SPOCK1: variants seen among roughly 807,000 people sequenced by gnomAD.
The protein encoded by SPOCK1 is SPARC (osteonectin), cwcv and kazal like domains proteoglycan 1, also known as testican-1.
Under a neutral mutation model 55.3 loss-of-function variants are expected in SPOCK1, and 23 were observed. That is an observed-to-expected ratio of 0.42 (90% CI 0.30 to 0.59). The LOEUF is 0.59. SPOCK1 is among the 20% of genes least tolerant of loss of function. The pLI is 0.22. For missense variants in SPOCK1, 499 were observed against 552.5 expected (o/e 0.90, Z 0.97); for synonymous variants, 226 against 221.0 (o/e 1.02, Z -0.20).
At chr5:137,407,029 T>C (rs1317661827) in intron 2 of SPOCK1, among the ~76,000 whole-genome samples, 1 of 152,228 alleles carries the variant, frequency 6.6e-6, no homozygotes, top group Non-Finnish European at 1.5e-5. Context: ...ACTAAGGTCT[T>C]GCCCTTAACC....
intron 2 of SPOCK1, among the ~76,000 whole-genome samples, chr5:137,434,988 C>T (rs1364172153): frequency 1.3e-5 from 2 of 152,154 alleles, no homozygotes; most frequent in Non-Finnish European, 2.9e-5. Flanking sequence ...ATTAAAATTT[C>T]CAACAATCCC....
At chr5:137,429,811 G>A (rs1752706178) in intron 2 of SPOCK1, among the ~76,000 whole-genome samples, 1 of 152,198 alleles carries the variant, frequency 6.6e-6, no homozygotes, top group Non-Finnish European at 1.5e-5. Context: ...AAACTAAACT[G>A]TGGAGACCAG....
In SPOCK1 at chr5:137,457,711, A is replaced by C. The variant is rs1366035065; in HGVS notation, c.186+40662T>G. ...AGCGTGAAAGACATTGGAGATGCAA[A>C]GATTAAAAAGCACTGAGCCTACCTT... On this transcript the variant is annotated intron_variant, in intron 2 of 10. Coordinates refer to ENST00000394945, the MANE Select transcript of SPOCK1 (RefSeq NM_004598.4). Among the ~76,000 whole-genome samples, 4 of 152,202 alleles carry C rather than the reference A, an allele frequency of 2.6e-5. No homozygotes were observed. The East Asian group carries it at 5.8e-4, about 22-fold the overall frequency.
intron 6 of SPOCK1, among the ~76,000 whole-genome samples, chr5:137,041,479 A>G (rs1580721392): frequency 6.6e-6 from 1 of 152,204 alleles, no homozygotes; most frequent in East Asian, 1.9e-4. Context: ...CTTTATTAAA[A>G]TTAAAAACTT....
At chr5:137,261,018 C>G (rs988795266) in intron 3 of SPOCK1, among the ~76,000 whole-genome samples, 2 of 151,982 alleles carry the variant, frequency 1.3e-5, no homozygotes, top group African/African-American at 4.8e-5. Flanking sequence ...CAAACATGAG[C>G]GAGCCAGGAG....
chr5:137,284,823 G>A (rs1757231669), intron 2 of SPOCK1, among the ~76,000 whole-genome samples: 1 of 152,156 alleles, frequency 6.6e-6, no homozygotes, highest in African/African-American at 2.4e-5. Flanking sequence ...GGCAAGTTCT[G>A]TGACTGTGAG....
At chr5:137,155,266 T>G (rs957166108) in intron 3 of SPOCK1, among the ~76,000 whole-genome samples, 2 of 152,206 alleles carry the variant, frequency 1.3e-5, no homozygotes, top group Non-Finnish European at 2.9e-5. Flanking sequence ...TTGTGTTGCC[T>G]CTAATGTCTA....
chr5:137,477,945 A>T (rs1422453294), intron 2 of SPOCK1, among the ~76,000 whole-genome samples: 3 of 152,198 alleles, frequency 2.0e-5, no homozygotes, highest in Admixed American at 2.0e-4. Flanking sequence ...AGTGGACTTC[A>T]TTCAGCAACA....
intron 3 of SPOCK1, among the ~76,000 whole-genome samples, chr5:137,221,334 C>A (rs1456951810): frequency 6.6e-6 from 1 of 152,158 alleles, no homozygotes; most frequent in African/African-American, 2.4e-5. Flanking sequence ...CATGTGCATC[C>A]AGCTGCAAAA....
intron 3 of SPOCK1, among the ~76,000 whole-genome samples, chr5:137,161,474 T>C (rs1286471345): frequency 1.3e-5 from 2 of 152,152 alleles, no homozygotes; most frequent in African/African-American, 4.8e-5. Flanking sequence ...CTTGGGTTTC[T>C]TTGGGCTCCA....
intron 2 of SPOCK1, among the ~76,000 whole-genome samples, chr5:137,267,322 T>C (rs1342738210): frequency 6.6e-6 from 1 of 152,240 alleles, no homozygotes; most frequent in African/African-American, 2.4e-5. Flanking sequence ...CTTCTTAGTT[T>C]GACATATAAA....
intron 5 of SPOCK1, among the ~76,000 whole-genome samples, chr5:137,090,953 C>T (rs901086849): frequency 4.6e-5 from 7 of 152,030 alleles, no homozygotes; most frequent in African/African-American, 1.4e-4. Flanking sequence ...TCTTTACATA[C>T]TAATTCAGCC....
At chr5:137,037,703 G>T (rs563335746) in intron 6 of SPOCK1, among the ~76,000 whole-genome samples, 1 of 152,044 alleles carries the variant, frequency 6.6e-6, no homozygotes, top group African/African-American at 2.4e-5. Context: ...CATGGGAGTC[G>T]CTAACCTAAA....
At chr5:136,980,408 T>C (rs146823012) in intron 9 of SPOCK1, among the ~76,000 whole-genome samples, 179 of 152,334 alleles carry the variant, frequency 1.2e-3, no homozygotes, top group African/African-American at 4.1e-3. Context: ...TTGATATGGT[T>C]TGGCTGTGTC....
At chr5:137,184,859 C>T (rs1367577662) in intron 3 of SPOCK1, among the ~76,000 whole-genome samples, 1 of 152,144 alleles carries the variant, frequency 6.6e-6, no homozygotes, top group Non-Finnish European at 1.5e-5. Context: ...TTGCAGCTCC[C>T]TCTGAGCCCT....
At chr5:137,215,696 T>G (rs1209174778) in intron 3 of SPOCK1, among the ~76,000 whole-genome samples, 1 of 152,196 alleles carries the variant, frequency 6.6e-6, no homozygotes, top group Non-Finnish European at 1.5e-5. Context: ...ATAGGGTTCA[T>G]GTTCCCCTAC....
chr5:137,288,973 A>C (rs1185928096), intron 2 of SPOCK1, among the ~76,000 whole-genome samples: 1 of 152,242 alleles, frequency 6.6e-6, no homozygotes, highest in African/African-American at 2.4e-5. Context: ...AAAAGCAAGG[A>C]TACATCCTCA....
intron 2 of SPOCK1, among the ~76,000 whole-genome samples, chr5:137,344,329 C>T (rs1005617514): frequency 6.6e-6 from 1 of 152,220 alleles, no homozygotes; most frequent in African/African-American, 2.4e-5. Flanking sequence ...AAAGCCAGAA[C>T]GTTTTATTCT....
At chr5:137,019,043 TG>T (rs1751509744) in intron 6 of SPOCK1, among the ~76,000 whole-genome samples, 1 of 151,790 alleles carries the variant, frequency 6.6e-6, no homozygotes, top group South Asian at 2.1e-4. Context: ...AAAAAGTAAA[TG>T]GAAATAATAA....
Sources: allele counts gnomAD v4.1 joint callset (sites outside exome capture counted in the v4.1 genomes callset), GRCh38; gene constraint gnomAD v4.1.1; transcripts MANE v1.5; gene names NCBI Gene and HGNC (gene_info 2026-07-23, HGNC 2026-07-21).